ATXN3: variants seen among roughly 807,000 people sequenced by gnomAD.
The protein encoded by ATXN3 is ataxin-3.
ATXN3 carries 28 observed loss-of-function variants against 58.2 expected under a neutral mutation model. The ratio of observed to expected loss-of-function variants is 0.48; its 90% CI spans 0.36 to 0.66. The LOEUF (loss-of-function observed/expected upper bound fraction) is 0.66, where lower values mean the gene tolerates loss of function less well. Among genes scored for constraint, ATXN3 ranks in the 30% least tolerant of loss-of-function variants. The pLI, the probability that ATXN3 is intolerant of heterozygous loss-of-function variation, is 0.00. For synonymous variants in ATXN3, 113 were observed against 138.5 expected (o/e 0.82, Z 1.29); for missense variants, 321 against 422.1 (o/e 0.76, Z 2.10).
rs56052998 is a variant in ATXN3 at position 92,086,954 on chromosome 14, A to G, written c.475+1776T>C. On this transcript the variant is annotated intron_variant, in intron 6 of 10. Transcript: ENST00000644486. ...GTTAGAGGTAGGGGACCATTCATCT[A>G]TTTAAATAGGCTCAAAGCACAGGTG... is the stretch of plus-strand genomic sequence containing the variant. Among the ~76,000 whole-genome samples, 1,310 of 152,272 alleles carry G rather than the reference A, an allele frequency of 8.6e-3. 58 individuals are homozygous for G. Among genetic ancestry groups the G allele is most frequent in the Admixed American group, 0.057 (877 of 15,278 alleles).
At chr14:92,092,547 G>C (rs2064074312) in intron 5 of ATXN3, among the ~76,000 whole-genome samples, 1 of 152,074 alleles carries the variant, frequency 6.6e-6, no homozygotes, top group Non-Finnish European at 1.5e-5. Context: ...CACTATTTCA[G>C]GCTTTGTGAC....
At chr14:92,045,913 AC>A (rs1182294877) in intron 2 of ATXN3, among the ~76,000 whole-genome samples, 1 of 152,198 alleles carries the variant, frequency 6.6e-6, no homozygotes, top group African/African-American at 2.4e-5. Context: ...TTCTTTAGCT[AC>A]CTTATCAGCA....
In ATXN3 at chr14:92,058,621, C is replaced by CTAACAACAGAATCCTGTGTT; in HGVS notation, c.*5679_*5698dup. 1 of 152,344 alleles carries CTAACAACAGAATCCTGTGTT rather than the reference C, an allele frequency of 6.6e-6. No homozygotes were observed. Among genetic ancestry groups the CTAACAACAGAATCCTGTGTT allele is most frequent in the Non-Finnish European group, 1.5e-5 (1 of 68,030 alleles). 9.4% of individuals were successfully genotyped at this position (152,344 alleles called of 1,614,324 possible). A position where few individuals can be genotyped will look rare whatever the true frequency, so the allele number is the denominator to read the frequency against. On this transcript the variant is annotated 3_prime_UTR_variant, in exon 11 of 11. Coordinates refer to ENST00000644486, the MANE Select transcript of ATXN3 (RefSeq NM_004993.6). Reference sequence around the variant, plus strand: ...AAATACAACTCATTGAACATCCACACTAACAACAGAATCCTGTGTTCAACA... The same window carrying CTAACAACAGAATCCTGTGTT: ...AAATACAACTCATTGAACATCCACACTAACAACAGAATCCTGTGTTTAACAACAGAATCCTGTGTTCAACA...
Position 92,071,042 on chromosome 14 carries a change from T to G in ATXN3, c.884A>C (p.Lys295Thr). ...CTGCTGCTGCTGCTGCTGTTGCTGC[T>G]TTTGCTGCTGTCTGAAACATTCAAA... ...REAYFEKQQQ[K>T]QQQQQQQQQQ... Residue 295 changes from lysine to threonine, a missense_variant, in exon 10 of 11, where the codon AAG becomes ACG. Coordinates refer to ENST00000644486, the MANE Select transcript of ATXN3 (RefSeq NM_004993.6). 6.7e-7 allele frequency: 1 copy of G among 1,494,396 alleles called. No homozygotes were observed. The highest frequency in any genetic ancestry group is 9.2e-7 in the Non-Finnish European group (1 of 1,081,140). The allele number at this position is 1,494,396 out of a possible 1,614,324, so 92.6% of individuals were successfully genotyped here. A position where few individuals can be genotyped will look rare whatever the true frequency, so the allele number is the denominator to read the frequency against.
At chr14:92,084,063 A>G (rs1379142907) in intron 6 of ATXN3, among the ~76,000 whole-genome samples, 1 of 152,150 alleles carries the variant, frequency 6.6e-6, no homozygotes, top group Non-Finnish European at 1.5e-5. Context: ...CTGCACTGTC[A>G]GCTTCCCTAC....
rs2057781848 is a variant in ATXN3, at chr14:92,061,590, A to T, written c.*2730T>A. The stretch of plus-strand genomic sequence containing the variant: ...GATACCAATAGTTTAAATATTAAAC[A>T]TTAAGATGTTCCCAATTAGTAAAAC... On this transcript the variant is annotated 3_prime_UTR_variant, in exon 11 of 11. Coordinates refer to ENST00000644486, the MANE Select transcript of ATXN3 (RefSeq NM_004993.6). 6.6e-6 allele frequency: 1 copy of T among 152,240 alleles called. No individual in the cohort carries two copies. The highest frequency in any genetic ancestry group is 1.9e-4 in the East Asian group (1 of 5,202). The allele number at this position is 152,240 out of a possible 1,614,324, so 9.4% of individuals were successfully genotyped here.
At chr14:92,057,276 C>T (rs1472184419), downstream of ATXN3, among the ~76,000 whole-genome samples, 1 of 152,078 alleles carries the variant, frequency 6.6e-6, no homozygotes. Context: ...ATTAGCTGGG[C>T]GTGGTGGTGC....
rs534154599 is a variant in ATXN3, at chr14:92,071,339, T to C, written c.873-286A>G. On this transcript the variant is annotated intron_variant, in intron 9 of 10. Coordinates refer to ENST00000644486, the MANE Select transcript of ATXN3 (RefSeq NM_004993.6). ...GGCCAGGAGTGGTGGCTCACACCTG[T>C]AATCCCAGCACTTTGGGAGGCCGAG... The C allele has an allele frequency of 1.6e-5, 8 of 515,442 alleles. No individual in the cohort carries two copies. In the East Asian group the frequency reaches 3.7e-4, roughly 24 times the overall value. 31.9% of individuals were successfully genotyped at this position (515,442 alleles called of 1,614,324 possible).
upstream of ATXN3, among the ~76,000 whole-genome samples, chr14:92,053,511 A>AT (rs1477600180): frequency 6.2e-3 from 489 of 79,016 alleles, 4 homozygotes; most frequent in African/African-American, 0.022. Context: ...TTTTTTAATT[A>AT]TTTGAGATGG....
At chr14:92,089,399 C>T (rs1465152559) in intron 5 of ATXN3, among the ~76,000 whole-genome samples, 2 of 139,830 alleles carry the variant, frequency 1.4e-5, no homozygotes, top group Admixed American at 7.8e-5. Context: ...AGTGCAGTGG[C>T]GCGATCTCGG....
At chr14:92,081,104 T>A in intron 8 of ATXN3, 43 bp from the exon 9 acceptor site, 1 of 1,326,958 alleles carries the variant, frequency 7.5e-7, no homozygotes, top group Non-Finnish European at 1.1e-6. Flanking sequence ...TCACTGTATT[T>A]ACCAATTCAA....
rs193922928 is a variant in ATXN3, at chr14:92,071,010, CCTG to C, written c.913_915del (p.Gln305del). 6.4e-5 allele frequency: 92 copies of C among 1,448,172 alleles called. No homozygotes were observed. The highest frequency in any genetic ancestry group is 1.1e-4 in the African/African-American group (7 of 63,572). 89.7% of individuals were successfully genotyped at this position (1,448,172 alleles called of 1,614,324 possible). On this transcript the variant is annotated inframe_deletion, in exon 10 of 11. Coordinates refer to ENST00000644486, the MANE Select transcript of ATXN3 (RefSeq NM_004993.6). Reference sequence around the variant, plus strand: ...TGTGAACTCTGTCCTGATAGGTCCCCCTGCTGCTGCTGCTGCTGCTGCTGTTGC... The same window carrying C: ...TGTGAACTCTGTCCTGATAGGTCCCCCTGCTGCTGCTGCTGCTGCTGTTGC...
chr14:92,065,175 C>T (rs546591975), intron 10 of ATXN3, among the ~76,000 whole-genome samples: 6 of 152,216 alleles, frequency 3.9e-5, no homozygotes, highest in Non-Finnish European at 8.8e-5. Context: ...CTCTATACAG[C>T]TGTCATTTTT....
At chr14:92,065,560 GA>G (rs149978538) in intron 10 of ATXN3, among the ~76,000 whole-genome samples, 42,890 of 151,574 alleles carry the variant, frequency 0.28, 6,377 homozygotes, top group African/African-American at 0.38. Flanking sequence ...TGCGTCAGTG[GA>G]ACAATGTGTC....
At chr14:92,098,811 C>G (rs1464907401) in intron 1 of ATXN3, among the ~76,000 whole-genome samples, 5 of 152,148 alleles carry the variant, frequency 3.3e-5, no homozygotes, top group Non-Finnish European at 5.9e-5. Context: ...GACAAGCCAG[C>G]AAGAGGGACT....
rs1030053607 is a variant in ATXN3, at chr14:92,061,885, G to A, written c.*2435C>T. On this transcript the variant is annotated 3_prime_UTR_variant, in exon 11 of 11. Coordinates refer to ENST00000644486, the MANE Select transcript of ATXN3 (RefSeq NM_004993.6). ...TTCACTAGTGCTTCTGGATCTGCCT[G>A]CTAAATGTAACAATTTCACAACAAA... The A allele has an allele frequency of 1.2e-4, 18 of 152,172 alleles. No individual in the cohort carries two copies. Among genetic ancestry groups the A allele is most frequent in the African/African-American group, 4.3e-4 (18 of 41,422 alleles). The allele number at this position is 152,172 out of a possible 1,614,324, so 9.4% of individuals were successfully genotyped here. A position where few individuals can be genotyped will look rare whatever the true frequency, so the allele number is the denominator to read the frequency against.
chr14:92,055,647 G>A (rs897536643), downstream of ATXN3, among the ~76,000 whole-genome samples: 4 of 152,196 alleles, frequency 2.6e-5, no homozygotes, highest in Non-Finnish European at 4.4e-5. The surrounding 1 kb of genome is among the most constrained non-coding windows in gnomAD (Gnocchi z 4.5). Context: ...CCTGGAAGAT[G>A]TGTGAGACGG....
intron 9 of ATXN3, chr14:92,079,351 A>T: frequency 1.4e-6 from 1 of 705,186 alleles, no homozygotes; most frequent in Non-Finnish European, 1.7e-6. Flanking sequence ...AATAAGCACT[A>T]CTTTGAAATT....
At position 92,079,359 on chromosome 14, in the gene ATXN3, A is replaced by G. The variant is rs902628669; in HGVS notation, c.872+1606T>C. The G allele has an allele frequency of 3.5e-5, 28 of 800,208 alleles. No homozygotes were observed. In the African/African-American group the frequency reaches 5.0e-4, roughly 14 times the overall value. 49.6% of individuals were successfully genotyped at this position (800,208 alleles called of 1,614,324 possible). A position where few individuals can be genotyped will look rare whatever the true frequency, so the allele number is the denominator to read the frequency against. Reference sequence around the variant, plus strand: ...AAGCACTAATAAGCACTACTTTGAAATTTAACATATAATTAGCCATTAATC... The same window carrying G: ...AAGCACTAATAAGCACTACTTTGAAGTTTAACATATAATTAGCCATTAATC... On this transcript the variant is annotated intron_variant, in intron 9 of 10. Transcript: ENST00000644486.
Sources: gnomAD v4.1 joint callset for allele counts (sites outside exome capture counted in the v4.1 genomes callset) on GRCh38, gnomAD v4.1.1 for gene constraint, Gnocchi (gnomAD v3.1) non-coding constraint, MANE v1.5 for transcripts, NCBI Gene and HGNC (gene_info 2026-07-23, HGNC 2026-07-21) for gene names.